GNA13: variants seen among roughly 807,000 people sequenced by gnomAD.
GNA13 encodes G protein subunit alpha 13.
In GNA13, 4 loss-of-function variants were observed where a neutral mutation model predicts 33.5. The observed-to-expected ratio is 0.12, with a 90% CI of 0.06 to 0.27. The LOEUF (loss-of-function observed/expected upper bound fraction) is 0.27, where lower values mean the gene tolerates loss of function less well. GNA13 is among the 10% of genes least tolerant of loss of function. GNA13 has a pLI of 1.00. For synonymous variants in GNA13, 176 were observed against 183.8 expected (o/e 0.96, Z 0.34); for missense variants, 319 against 487.2 (o/e 0.65, Z 3.25).
intron 2 of GNA13, among the ~76,000 whole-genome samples, chr17:65,033,350 G>A (rs1224561841): frequency 6.6e-6 from 1 of 151,796 alleles, no homozygotes; most frequent in Non-Finnish European, 1.5e-5. Flanking sequence ...GCTGGGTGTG[G>A]GTGTGTGGTA....
At chr17:65,044,721 T>A (rs1429967996) in intron 2 of GNA13, among the ~76,000 whole-genome samples, 2 of 150,872 alleles carry the variant, frequency 1.3e-5, no homozygotes, top group Non-Finnish European at 2.9e-5. Flanking sequence ...AACTGTGACA[T>A]GATTACATGA....
intron 2 of GNA13, among the ~76,000 whole-genome samples, chr17:65,026,708 T>G (rs1906796634): frequency 6.6e-6 from 1 of 152,196 alleles, no homozygotes; most frequent in African/African-American, 2.4e-5. Context: ...ACAAGGAAAC[T>G]CATCAAAATG....
intron 3 of GNA13, among the ~76,000 whole-genome samples, chr17:65,015,518 C>T (rs1165286927): frequency 6.6e-6 from 1 of 151,832 alleles, no homozygotes; most frequent in East Asian, 1.9e-4. Flanking sequence ...AAAAAATTAG[C>T]CAGGTGTGGT....
At position 65,046,431 on chromosome 17, in the gene GNA13, C is replaced by T. The variant is rs944038884; in HGVS notation, c.510+7071G>A. On this transcript the variant is annotated intron_variant, in intron 2 of 3. Transcript: ENST00000439174. ...TCAACCTCCCAAGTAGGTGGGACTA[C>T]AGGCACGTGCCACTGCGCTTGGCTA... 2.4e-4 allele frequency among the ~76,000 whole-genome samples: 37 copies of T among 152,264 alleles called. 1 individual carries two copies. Among genetic ancestry groups the T allele is most frequent in the African/African-American group, 7.7e-4 (32 of 41,554 alleles).
intron 2 of GNA13, among the ~76,000 whole-genome samples, chr17:65,031,164 T>C (rs930121293): frequency 6.6e-6 from 1 of 152,264 alleles, no homozygotes; most frequent in Non-Finnish European, 1.5e-5. Context: ...CATGGCCTAT[T>C]GCTTCTAGGC....
chr17:65,034,223 A>T (rs1907162778), intron 2 of GNA13, among the ~76,000 whole-genome samples: 1 of 152,072 alleles, frequency 6.6e-6, no homozygotes, highest in Admixed American at 6.5e-5. Flanking sequence ...TACAAAAATA[A>T]ACTACTGCAC....
At chr17:65,032,357 G>A (rs2143798347) in intron 2 of GNA13, among the ~76,000 whole-genome samples, 1 of 152,232 alleles carries the variant, frequency 6.6e-6, no homozygotes, top group Non-Finnish European at 1.5e-5. Flanking sequence ...AATATACCAT[G>A]AGATTGTTCT....
chr17:65,019,935 G>A (rs375958782), intron 2 of GNA13, among the ~76,000 whole-genome samples: 3 of 152,038 alleles, frequency 2.0e-5, no homozygotes, highest in African/African-American at 4.8e-5. Flanking sequence ...GCTCATGTAC[G>A]CCAGAAATAT....
chr17:65,027,262 C>G (rs1200811197), intron 2 of GNA13, among the ~76,000 whole-genome samples: 1 of 151,624 alleles, frequency 6.6e-6, no homozygotes, highest in Non-Finnish European at 1.5e-5. Flanking sequence ...TCAAATCATC[C>G]AGATTTATTT....
chr17:65,014,833 G>A lies in GNA13; in HGVS notation c.562-4C>T. On this transcript the variant is annotated splice_region_variant and splice_polypyrimidine_tract_variant and intron_variant, in intron 3 of 3. Transcript: ENST00000439174. This position sits in a 1 kb window ranked among gnomAD's most constrained non-coding sequence, Gnocchi z 5.3. ...CTTGTTGTGATGGAATATAATCCTG[G>A]AAAAGAAAAAACTTGTTTTATACCT... The A allele has an allele frequency of 6.3e-7, 1 of 1,585,532 alleles. No homozygotes were observed. The highest frequency in any genetic ancestry group is 1.8e-5 in the Admixed American group (1 of 54,500).
At chr17:65,056,249 G>GCCCCCCCCCCCCCCCCCCCCCCC in intron 1 of GNA13, 62 bp downstream of exon 1, 1 of 774,830 alleles carries the variant, frequency 1.3e-6, no homozygotes. Context: ...GCCCCGCCCC[G>GCCCCCCCCCCCCCCCCCCCCCCC]CACCCGCCGC....
intron 2 of GNA13, 63 bp from the exon 3 acceptor site, chr17:65,018,366 G>T: frequency 1.2e-6 from 1 of 856,236 alleles, no homozygotes; most frequent in Non-Finnish European, 2.0e-6. Context: ...TGTTACAACA[G>T]TTTACATCAT....
rs142938551 is a variant in GNA13 at position 65,050,205 on chromosome 17, G to T, written c.510+3297C>A. ...AGAGGTAGCAGAACACAAAATAGAG[G>T]AAAGGAGGGAATGAATGCAAGAGAC... On this transcript the variant is annotated intron_variant, in intron 2 of 3. Coordinates refer to ENST00000439174, the MANE Select transcript of GNA13 (RefSeq NM_006572.6). Among the ~76,000 whole-genome samples the T allele has an allele frequency of 1.1e-3, 161 of 152,276 alleles. 1 individual carries two copies. The highest frequency in any genetic ancestry group is 7.8e-3 in the Admixed American group (120 of 15,294).
intron 2 of GNA13, among the ~76,000 whole-genome samples, chr17:65,035,424 C>T (rs1274602160): frequency 6.6e-6 from 1 of 152,096 alleles, no homozygotes; most frequent in Non-Finnish European, 1.5e-5. Flanking sequence ...TCTCAACATC[C>T]AATATCGTAT....
intron 2 of GNA13, among the ~76,000 whole-genome samples, chr17:65,047,408 A>C (rs1907704893): frequency 6.6e-6 from 1 of 152,190 alleles, no homozygotes; most frequent in Non-Finnish European, 1.5e-5. Context: ...TTAATAAAGT[A>C]AGATAAAAAC....
In GNA13 at chr17:65,047,685, G is replaced by C. The variant is rs139312813; in HGVS notation, c.510+5817C>G. Among the ~76,000 whole-genome samples the C allele has an allele frequency of 7.9e-3, 1,199 of 150,990 alleles. 14 individuals are homozygous for C. Among genetic ancestry groups the C allele is most frequent in the African/African-American group, 0.028 (1,167 of 41,200 alleles). ...TCTTTTTTTTTTTTAAGAGGGAGGG[G>C]GCTGTCCTCACTATGTTGCCCACAT... On this transcript the variant is annotated intron_variant, in intron 2 of 3. Coordinates refer to ENST00000439174, the MANE Select transcript of GNA13 (RefSeq NM_006572.6).
At chr17:65,025,544 T>G (rs530269858) in intron 2 of GNA13, among the ~76,000 whole-genome samples, 1 of 152,324 alleles carries the variant, frequency 6.6e-6, no homozygotes, top group East Asian at 1.9e-4. Flanking sequence ...GGAAAAGTTA[T>G]CGTTAAGTGC....
At position 65,014,899 on chromosome 17, in the gene GNA13, C is replaced by T; in HGVS notation, c.562-70G>A. 1 of 826,856 alleles carries T rather than the reference C, an allele frequency of 1.2e-6. No homozygotes were observed. The highest frequency in any genetic ancestry group is 2.0e-6 in the Non-Finnish European group (1 of 506,260). 51.2% of individuals were successfully genotyped at this position (826,856 alleles called of 1,614,324 possible). A position where few individuals can be genotyped will look rare whatever the true frequency, so the allele number is the denominator to read the frequency against. ...ATGCGAATTTTTAATGGACTACTAACTGGACTAGTGAATAGATATGCAAAC... is the reference window on the plus strand; with the variant it reads ...ATGCGAATTTTTAATGGACTACTAATTGGACTAGTGAATAGATATGCAAAC... On this transcript the variant is annotated intron_variant, in intron 3 of 3. Coordinates refer to ENST00000439174, the MANE Select transcript of GNA13 (RefSeq NM_006572.6). This position sits in a 1 kb window ranked among gnomAD's most constrained non-coding sequence, Gnocchi z 5.3.
chr17:65,034,342 G>GTTGTT (rs1371196806), intron 2 of GNA13, among the ~76,000 whole-genome samples: 4 of 150,662 alleles, frequency 2.7e-5, no homozygotes, highest in Non-Finnish European at 5.9e-5. Flanking sequence ...AAGTTTTTGT[G>GTTGTT]TTGGCCTTAT....
Sources: gnomAD v4.1 joint callset for allele counts (sites outside exome capture counted in the v4.1 genomes callset) on GRCh38, gnomAD v4.1.1 for gene constraint, Gnocchi (gnomAD v3.1) non-coding constraint, MANE v1.5 for transcripts, NCBI Gene and HGNC (gene_info 2026-07-23, HGNC 2026-07-21) for gene names.